The following LUC7L2 variants were observed in gnomAD, a reference collection of about 807,000 sequenced individuals.
LUC7L2 encodes the protein LUC7 like 2, pre-mRNA splicing factor, also known as putative RNA-binding protein Luc7-like 2.
In LUC7L2, 25 loss-of-function variants were observed where a neutral mutation model predicts 52.8. The observed-to-expected ratio is 0.47, with a 90% CI of 0.34 to 0.66. The LOEUF (loss-of-function observed/expected upper bound fraction) is 0.66, where lower values mean the gene tolerates loss of function less well. Ranked by LOEUF, LUC7L2 falls within the 30% of genes least tolerant of loss-of-function variation. The probability of loss-of-function intolerance (pLI) is 0.01; values close to 1 mark genes in which losing one functional copy is unlikely to be tolerated. For synonymous variants in LUC7L2, 144 were observed against 160.9 expected (o/e 0.89, Z 0.80); for missense variants, 328 against 497.8 (o/e 0.66, Z 3.25).
At chr7:139,392,044 C>T (rs1158345828) in intron 2 of LUC7L2, among the ~76,000 whole-genome samples, 1 of 152,082 alleles carries the variant, frequency 6.6e-6, no homozygotes, top group Non-Finnish European at 1.5e-5. Flanking sequence ...CTCTTTTCTC[C>T]ACTTGGTATA....
chr7:139,360,621 TGCGTAGTTG>T (rs1451138044), intron 1 of LUC7L2, among the ~76,000 whole-genome samples: 4 of 152,112 alleles, frequency 2.6e-5, no homozygotes, highest in African/African-American at 9.7e-5. Flanking sequence ...GCGTCTCTGT[TGCGTAGTTG>T]GGGGGCCCGT....
At chr7:139,406,154 C>A (rs1050240070) in intron 5 of LUC7L2, among the ~76,000 whole-genome samples, 1 of 152,060 alleles carries the variant, frequency 6.6e-6, no homozygotes, top group Non-Finnish European at 1.5e-5. Context: ...CGGGTTCAAG[C>A]GATTCTCCTG....
intron 1 of LUC7L2, 173 bp from the exon 2 acceptor site, chr7:139,375,889 T>A (rs1044203151): frequency 1.9e-5 from 12 of 616,324 alleles, no homozygotes; most frequent in Non-Finnish European, 3.0e-5. Flanking sequence ...TTACTGCAAC[T>A]GCATGTTGTC....
At chr7:139,410,334 T>G (rs1415829581) in intron 7 of LUC7L2, among the ~76,000 whole-genome samples, 1 of 152,166 alleles carries the variant, frequency 6.6e-6, no homozygotes, top group Non-Finnish European at 1.5e-5. Context: ...AACAAAAGGT[T>G]TAAGGGTGGT....
At chr7:139,353,604 C>T (rs1402315298) in intron 1 of LUC7L2, among the ~76,000 whole-genome samples, 1 of 152,066 alleles carries the variant, frequency 6.6e-6, no homozygotes, top group East Asian at 1.9e-4. Context: ...GCCATCCTGG[C>T]CAACATGGTG....
At chr7:139,343,908 A>G (rs1327003158) in intron 1 of LUC7L2, among the ~76,000 whole-genome samples, 1 of 149,940 alleles carries the variant, frequency 6.7e-6, no homozygotes, top group East Asian at 1.9e-4. Context: ...CCTGGGCAAC[A>G]AAGTGAGACC....
intron 9 of LUC7L2, among the ~76,000 whole-genome samples, chr7:139,421,857 AT>A (rs1795922819): frequency 1.3e-5 from 2 of 152,174 alleles, no homozygotes. Flanking sequence ...TCTATGTATT[AT>A]TTTTTATATT....
chr7:139,420,993 G>A (rs560832246), intron 9 of LUC7L2, among the ~76,000 whole-genome samples: 1 of 152,236 alleles, frequency 6.6e-6, no homozygotes, highest in Admixed American at 6.5e-5. Flanking sequence ...AGAGACGGGG[G>A]TTTCACTATG....
intron 6 of LUC7L2, 109 bp from the exon 7 acceptor site, chr7:139,409,454 T>C: frequency 2.4e-6 from 3 of 1,271,368 alleles, no homozygotes; most frequent in East Asian, 3.0e-5. Context: ...ATTAAACAGA[T>C]TTTGACAGCA....
intron 2 of LUC7L2, among the ~76,000 whole-genome samples, chr7:139,378,321 A>G (rs951442482): frequency 1.3e-5 from 2 of 152,084 alleles, no homozygotes; most frequent in African/African-American, 4.8e-5. Flanking sequence ...TACTTGAGAT[A>G]AATTTTGAGA....
At chr7:139,348,984 A>G (rs1327512267) in intron 1 of LUC7L2, among the ~76,000 whole-genome samples, 1 of 151,636 alleles carries the variant, frequency 6.6e-6, no homozygotes, top group Non-Finnish European at 1.5e-5. Flanking sequence ...AACATAGTGA[A>G]ACCCCGTTTG....
At chr7:139,383,729 TTTTTTC>T (rs1416057503) in intron 2 of LUC7L2, among the ~76,000 whole-genome samples, 1 of 149,730 alleles carries the variant, frequency 6.7e-6, no homozygotes, top group Non-Finnish European at 1.5e-5. Flanking sequence ...ATGTCTTTTT[TTTTTTC>T]TTTTTTCTTT....
intron 8 of LUC7L2, among the ~76,000 whole-genome samples, chr7:139,415,157 C>T (rs1795538908): frequency 6.6e-6 from 1 of 150,484 alleles, no homozygotes; most frequent in Non-Finnish European, 1.5e-5. Flanking sequence ...AGTGATCCGC[C>T]TGCCTCAGCC....
At chr7:139,417,801 C>G (rs1795691840) in intron 9 of LUC7L2, 72 bp downstream of exon 9, 1 of 1,520,382 alleles carries the variant, frequency 6.6e-7, no homozygotes, top group Non-Finnish European at 8.9e-7. Context: ...ACTTATGTTA[C>G]TTATGTTTAG....
chr7:139,366,044 C>G (rs993171701), intron 1 of LUC7L2, among the ~76,000 whole-genome samples: 1 of 152,216 alleles, frequency 6.6e-6, no homozygotes, highest in Non-Finnish European at 1.5e-5. Flanking sequence ...ATCTGCAGCT[C>G]CATGTTTTTG....
chr7:139,363,215 C>A, intron 1 of LUC7L2: 2 of 985,424 alleles, frequency 2.0e-6, no homozygotes, highest in Non-Finnish European at 2.4e-6. Flanking sequence ...CACTGAAAAT[C>A]GTGCCGATGC....
chr7:139,415,054 GTTTTTTTTTTTTT>G (rs1171809951), intron 8 of LUC7L2, among the ~76,000 whole-genome samples: 3 of 54,192 alleles, frequency 5.5e-5, no homozygotes, highest in East Asian at 5.4e-4. Context: ...GCCCTGCTAA[GTTTTTTTTTTTTT>G]TTTTTTTTTT....
chr7:139,372,612 T>A (rs1304833297), intron 1 of LUC7L2, among the ~76,000 whole-genome samples: 3 of 152,164 alleles, frequency 2.0e-5, no homozygotes, highest in Non-Finnish European at 4.4e-5. Context: ...GATACTTGGA[T>A]CATGTTATCT....
At chr7:139,413,263 C>T (rs1017198317) in intron 8 of LUC7L2, among the ~76,000 whole-genome samples, 6 of 152,146 alleles carry the variant, frequency 3.9e-5, no homozygotes, top group Non-Finnish European at 7.4e-5. Context: ...TGTTGTACTT[C>T]ATCATTCTTT....
Sources: gnomAD v4.1 joint callset for allele counts (sites outside exome capture counted in the v4.1 genomes callset) on GRCh38, gnomAD v4.1.1 for gene constraint, MANE v1.5 for transcripts, NCBI Gene and HGNC (gene_info 2026-07-23, HGNC 2026-07-21) for gene names.